The following BAIAP2 variants were observed in gnomAD, a reference collection of about 807,000 sequenced individuals.
The protein encoded by BAIAP2 is BAR/IMD domain containing adaptor protein 2, also known as BAR/IMD domain-containing adapter protein 2.
In BAIAP2, 18 loss-of-function variants were observed where a neutral mutation model predicts 63.0. The ratio of observed to expected loss-of-function variants is 0.29; its 90% CI spans 0.20 to 0.42. The LOEUF (loss-of-function observed/expected upper bound fraction) is 0.42, where lower values mean the gene tolerates loss of function less well. Ranked by LOEUF, BAIAP2 falls within the 10% of genes least tolerant of loss-of-function variation. The probability of loss-of-function intolerance (pLI) is 1.00; values close to 1 mark genes in which losing one functional copy is unlikely to be tolerated. For missense variants in BAIAP2, 610 were observed against 734.3 expected (o/e 0.83, Z 1.96); for synonymous variants, 386 against 307.6 (o/e 1.25, Z -2.67).
rs1334641583 is a variant in BAIAP2 at position 81,046,425 on chromosome 17, G to A, written c.55-7243G>A. ...GATCCTCCAGGACAGATGTCCAAGT[G>A]TTTAGAGGGGACAGGACTGTCCACA... On this transcript the variant is annotated intron_variant, in intron 1 of 13. Coordinates refer to ENST00000428708, the MANE Select transcript of BAIAP2 (RefSeq NM_001144888.2). The surrounding 1 kb of genome is among the most constrained non-coding windows in gnomAD (Gnocchi z 4.5). Among the ~76,000 whole-genome samples, 2 of 152,076 alleles carry A rather than the reference G, an allele frequency of 1.3e-5. No homozygotes were observed. The highest frequency in any genetic ancestry group is 2.9e-5 in the Non-Finnish European group (2 of 67,986).
At chr17:81,078,403 G>C (rs4969375) in intron 3 of BAIAP2, among the ~76,000 whole-genome samples, 17 of 93,192 alleles carry the variant, frequency 1.8e-4, no homozygotes, top group East Asian at 6.4e-4. Context: ...TTGGGTGGGA[G>C]CCGGGCGCTG....
chr17:81,081,898 C>G (rs72634322), intron 3 of BAIAP2, among the ~76,000 whole-genome samples: 34,173 of 152,204 alleles, frequency 0.22, 4,274 homozygotes, highest in East Asian at 0.49. Context: ...CAGTCACACC[C>G]ATGGTTGGAG....
chr17:81,041,824 G>C (rs1012750257), intron 1 of BAIAP2, among the ~76,000 whole-genome samples: 1 of 152,148 alleles, frequency 6.6e-6, no homozygotes, highest in South Asian at 2.1e-4. Context: ...CACCCACCTC[G>C]GGCTCCCAAA....
intron 6 of BAIAP2, among the ~76,000 whole-genome samples, chr17:81,097,956 C>G (rs913321361): frequency 6.6e-6 from 1 of 152,224 alleles, no homozygotes; most frequent in Non-Finnish European, 1.5e-5. Flanking sequence ...GGGTCCCAGT[C>G]GAGCCCTCCC....
At chr17:81,077,841 G>A (rs1189978422) in intron 3 of BAIAP2, among the ~76,000 whole-genome samples, 1 of 149,776 alleles carries the variant, frequency 6.7e-6, no homozygotes, top group Non-Finnish European at 1.5e-5. Context: ...GCACAGGTGC[G>A]GGTGCCATCT....
At chr17:81,111,235 T>C (rs1031711546) in intron 13 of BAIAP2, among the ~76,000 whole-genome samples, 12 of 152,230 alleles carry the variant, frequency 7.9e-5, no homozygotes, top group Admixed American at 7.9e-4. Context: ...GCCCTGACCT[T>C]CTGTGTGGTC....
rs2047820204 is a variant in BAIAP2, at chr17:81,046,459, G to A, written c.55-7209G>A. Among the ~76,000 whole-genome samples, 1 of 152,100 alleles carries A rather than the reference G, an allele frequency of 6.6e-6. No individual in the cohort carries two copies. The highest frequency in any genetic ancestry group is 2.4e-5 in the African/African-American group (1 of 41,394). ...GGACAGGACTGTCCACACCACTCCA[G>A]CCAGGCTTCCTTCACACCCCCACAG... On this transcript the variant is annotated intron_variant, in intron 1 of 13. Coordinates refer to ENST00000428708, the MANE Select transcript of BAIAP2 (RefSeq NM_001144888.2). This position sits in a 1 kb window ranked among gnomAD's most constrained non-coding sequence, Gnocchi z 4.5.
At chr17:81,104,914 G>T (rs1013901329) in intron 10 of BAIAP2, among the ~76,000 whole-genome samples, 199 bp downstream of exon 10, 1 of 152,042 alleles carries the variant, frequency 6.6e-6, no homozygotes, top group African/African-American at 2.4e-5. Flanking sequence ...CCCTGGCAGG[G>T]GTCTTCGCCC....
chr17:81,036,431 C>A, intron 1 of BAIAP2, among the ~76,000 whole-genome samples: 1 of 152,230 alleles, frequency 6.6e-6, no homozygotes, highest in East Asian at 1.9e-4. Flanking sequence ...TTGTGGTAGG[C>A]GGCCAAGGCG....
At chr17:81,063,274 T>C (rs1018253956) in intron 3 of BAIAP2, among the ~76,000 whole-genome samples, 21 of 152,164 alleles carry the variant, frequency 1.4e-4, no homozygotes, top group Non-Finnish European at 1.0e-4. Context: ...GATTCCAGGC[T>C]TGGTGCCACA....
chr17:81,115,091 C>T (rs1000963422), intron 13 of BAIAP2, among the ~76,000 whole-genome samples: 1 of 152,240 alleles, frequency 6.6e-6, no homozygotes, highest in Non-Finnish European at 1.5e-5. Flanking sequence ...CATCTTGTTC[C>T]ATTTCAACTT....
chr17:81,091,340 A>G lies in BAIAP2; in HGVS notation c.489+4760A>G, dbSNP rs189567960. Among the ~76,000 whole-genome samples the G allele has an allele frequency of 4.1e-3, 627 of 152,164 alleles. 2 individuals carry two copies. Among genetic ancestry groups the G allele is most frequent in the Non-Finnish European group, 6.3e-3 (430 of 67,990 alleles). ...CTGGAAGTACTCTTGGGGGAAGCAG[A>G]GACCTCTTCACCGGCCTCTCCATTC... On this transcript the variant is annotated intron_variant, in intron 6 of 13. Coordinates refer to ENST00000428708, the MANE Select transcript of BAIAP2 (RefSeq NM_001144888.2).
At chr17:81,085,225 G>A in intron 4 of BAIAP2, 1 of 503,308 alleles carries the variant, frequency 2.0e-6, no homozygotes, top group Non-Finnish European at 3.6e-6. Flanking sequence ...CTCTCCGACT[G>A]TAGGCAGAGG....
At chr17:81,077,392 C>T (rs2053834783) in intron 3 of BAIAP2, among the ~76,000 whole-genome samples, 10 of 151,954 alleles carry the variant, frequency 6.6e-5, no homozygotes, top group Admixed American at 6.5e-4. Context: ...CACGGTGAAA[C>T]CCCCGTCCCT....
chr17:81,078,461 G>A (rs1450983962), intron 3 of BAIAP2, among the ~76,000 whole-genome samples: 3 of 135,880 alleles, frequency 2.2e-5, no homozygotes, highest in Non-Finnish European at 3.1e-5. Context: ...TGCGGGTGCC[G>A]TATTGGGTGG....
intron 5 of BAIAP2, among the ~76,000 whole-genome samples, chr17:81,085,962 G>A (rs1277496880): frequency 6.6e-6 from 1 of 152,250 alleles, no homozygotes; most frequent in Non-Finnish European, 1.5e-5. Context: ...CCATGCCCCG[G>A]CTTTGGCCAC....
chr17:81,095,755 C>CT (rs1398268221), intron 6 of BAIAP2, among the ~76,000 whole-genome samples: 1 of 152,166 alleles, frequency 6.6e-6, no homozygotes, highest in Non-Finnish European at 1.5e-5. Context: ...CTTTCTGTCT[C>CT]TCCCCCGACT....
chr17:81,113,878 G>C (rs1008820663), intron 13 of BAIAP2, among the ~76,000 whole-genome samples: 1 of 152,142 alleles, frequency 6.6e-6, no homozygotes, highest in Non-Finnish European at 1.5e-5. Context: ...CTGTGATTCG[G>C]GGCAGGAGTG....
chr17:81,092,489 T>C (rs945761390), intron 6 of BAIAP2, among the ~76,000 whole-genome samples: 2 of 152,196 alleles, frequency 1.3e-5, no homozygotes, highest in Admixed American at 6.5e-5. Context: ...GATTTCTCTG[T>C]CTGCCTGCCA....
Sources: gnomAD v4.1 joint callset for allele counts (sites outside exome capture counted in the v4.1 genomes callset) on GRCh38, gnomAD v4.1.1 for gene constraint, Gnocchi (gnomAD v3.1) non-coding constraint, MANE v1.5 for transcripts, NCBI Gene and HGNC (gene_info 2026-07-23, HGNC 2026-07-21) for gene names.